PBX3: variants seen among roughly 807,000 people sequenced by gnomAD.
The protein encoded by PBX3 is pre-B-cell leukemia transcription factor 3.
Under a neutral mutation model 48.5 loss-of-function variants are expected in PBX3, and 14 were observed. The ratio of observed to expected loss-of-function variants is 0.29; its 90% CI spans 0.19 to 0.45. The LOEUF is 0.45. Ranked by LOEUF, PBX3 falls within the 20% of genes least tolerant of loss-of-function variation. PBX3 has a pLI of 1.00. For synonymous variants in PBX3, 210 were observed against 200.3 expected (o/e 1.05, Z -0.41); for missense variants, 386 against 546.7 (o/e 0.71, Z 2.93).
chr9:125,782,388 A>G (rs1030162627), intron 2 of PBX3, among the ~76,000 whole-genome samples: 1 of 152,180 alleles, frequency 6.6e-6, no homozygotes, highest in African/African-American at 2.4e-5. Flanking sequence ...AGATTTGGGT[A>G]GGGACACAGC....
chr9:125,908,672 C>A (rs1841132829), intron 2 of PBX3, among the ~76,000 whole-genome samples: 1 of 151,948 alleles, frequency 6.6e-6, no homozygotes, highest in African/African-American at 2.4e-5. Context: ...TCACAAAGAC[C>A]CATAGGGATT....
In PBX3 at chr9:125,912,225, A is replaced by G. The variant is rs565074626; in HGVS notation, c.275-3461A>G. ...TCAAAAGCTTGCCTATATATTAATG[A>G]ACCCTTAATGAGCTGTTGAAAATGC... On this transcript the variant is annotated intron_variant, in intron 2 of 8. Coordinates refer to ENST00000373489, the MANE Select transcript of PBX3 (RefSeq NM_006195.6). Among the ~76,000 whole-genome samples the G allele has an allele frequency of 4.9e-4, 75 of 152,298 alleles. 2 individuals carry two copies. In the South Asian group the frequency reaches 0.016, roughly 32 times the overall value.
intron 2 of PBX3, among the ~76,000 whole-genome samples, chr9:125,833,775 T>G (rs1487719065): frequency 6.6e-6 from 1 of 152,206 alleles, no homozygotes; most frequent in Non-Finnish European, 1.5e-5. Flanking sequence ...GTCTAAAACT[T>G]TTGGCTATTT....
At chr9:125,813,274 A>T (rs1043439331) in intron 2 of PBX3, among the ~76,000 whole-genome samples, 1 of 150,660 alleles carries the variant, frequency 6.6e-6, no homozygotes, top group African/African-American at 2.4e-5. Flanking sequence ...TTACTTTTTA[A>T]TTTTTTTTTG....
Position 125,759,924 on chromosome 9 carries a change from G to A in PBX3, c.274+11301G>A, listed in dbSNP as rs1412673596. Among the ~76,000 whole-genome samples the A allele has an allele frequency of 6.6e-6, 1 of 152,234 alleles. No homozygotes were observed. The highest frequency in any genetic ancestry group is 1.5e-5 in the Non-Finnish European group (1 of 68,030). On this transcript the variant is annotated intron_variant, in intron 2 of 8. Transcript: ENST00000373489. This position sits in a 1 kb window ranked among gnomAD's most constrained non-coding sequence, Gnocchi z 4.2. The stretch of plus-strand genomic sequence containing the variant: ...GCTTGAAATGCAAAGAGCAACGATT[G>A]ATTGGATTTGAGGGTTACAATTGTG...
chr9:125,913,945 A>T (rs1419279457), intron 2 of PBX3, among the ~76,000 whole-genome samples: 1 of 152,248 alleles, frequency 6.6e-6, no homozygotes, highest in East Asian at 1.9e-4. Flanking sequence ...CTCTCATTGC[A>T]TGCCAAATGC....
At position 125,856,328 on chromosome 9, in the gene PBX3, C is replaced by T. The variant is rs562435850; in HGVS notation, c.275-59358C>T. Among the ~76,000 whole-genome samples, 351 of 152,198 alleles carry T rather than the reference C, an allele frequency of 2.3e-3. 2 individuals are homozygous for T. The highest frequency in any genetic ancestry group is 7.9e-3 in the African/African-American group (327 of 41,530). On this transcript the variant is annotated intron_variant, in intron 2 of 8. Transcript: ENST00000373489. The stretch of plus-strand genomic sequence containing the variant: ...AGTATGAGAAAAATGTTGCTTTCTG[C>T]GCTGCTTTATTTCTGTCACAGGTCA...
intron 2 of PBX3, among the ~76,000 whole-genome samples, chr9:125,781,565 C>T (rs372460120): frequency 1.2e-4 from 13 of 106,970 alleles, no homozygotes; most frequent in Non-Finnish European, 2.1e-4. Flanking sequence ...AGGGGAGAGG[C>T]GAGAGGGGAG....
chr9:125,904,282 A>G (rs1287336771), intron 2 of PBX3, among the ~76,000 whole-genome samples: 1 of 151,756 alleles, frequency 6.6e-6, no homozygotes, highest in Non-Finnish European at 1.5e-5. Flanking sequence ...AGATTTTTCC[A>G]TTCGTCTAAC....
chr9:125,949,207 T>A (rs1440154247), intron 5 of PBX3, among the ~76,000 whole-genome samples: 1 of 152,246 alleles, frequency 6.6e-6, no homozygotes, highest in Non-Finnish European at 1.5e-5. Flanking sequence ...AATTATTTAA[T>A]GAGTCCATTT....
intron 2 of PBX3, among the ~76,000 whole-genome samples, chr9:125,821,091 G>A (rs576653845): frequency 1.6e-4 from 25 of 152,246 alleles, no homozygotes; most frequent in African/African-American, 5.5e-4. Context: ...CTCTCAAGCT[G>A]CGTTTGCCTT....
chr9:125,912,724 AC>A (rs1031232862), intron 2 of PBX3, among the ~76,000 whole-genome samples: 3 of 152,198 alleles, frequency 2.0e-5, no homozygotes, highest in Admixed American at 2.0e-4. Context: ...CATTATACAT[AC>A]ATTTTGGATT....
chr9:125,830,702 T>C (rs1452786526), intron 2 of PBX3, among the ~76,000 whole-genome samples: 1 of 152,158 alleles, frequency 6.6e-6, no homozygotes, highest in Non-Finnish European at 1.5e-5. Context: ...TATTATCTCA[T>C]TCAAACTTAA....
At chr9:125,839,829 C>T (rs893607670) in intron 2 of PBX3, among the ~76,000 whole-genome samples, 1 of 152,152 alleles carries the variant, frequency 6.6e-6, no homozygotes, top group Non-Finnish European at 1.5e-5. Flanking sequence ...TTTTCAGTGA[C>T]CTCCCTGTTT....
chr9:125,915,178 G>A (rs775214613), intron 2 of PBX3, among the ~76,000 whole-genome samples: 5 of 152,050 alleles, frequency 3.3e-5, no homozygotes, highest in African/African-American at 7.2e-5. Context: ...CTCATCTAAT[G>A]TTGTTTATTT....
At chr9:125,949,430 C>CA in intron 5 of PBX3, 1 of 1,550,696 alleles carries the variant, frequency 6.4e-7, no homozygotes, top group Non-Finnish European at 8.7e-7. Flanking sequence ...GACATCCAGC[C>CA]AACTAGCGTG....
chr9:125,874,920 A>G (rs1047962164), intron 2 of PBX3, among the ~76,000 whole-genome samples: 2 of 152,186 alleles, frequency 1.3e-5, no homozygotes, highest in African/African-American at 4.8e-5. Flanking sequence ...ATAGCAAAAA[A>G]GGGCAAAACC....
At chr9:125,920,679 G>A (rs955631893) in intron 3 of PBX3, among the ~76,000 whole-genome samples, 3 of 152,148 alleles carry the variant, frequency 2.0e-5, no homozygotes, top group Non-Finnish European at 2.9e-5. Flanking sequence ...TTTGCTGAAG[G>A]CAAAAGTGTT....
intron 5 of PBX3, chr9:125,949,553 C>A: frequency 7.5e-7 from 1 of 1,330,938 alleles, no homozygotes; most frequent in South Asian, 2.2e-5. Flanking sequence ...GTATTCTTTA[C>A]TCCAAAAATG....
Sources: gnomAD v4.1 joint callset for allele counts (sites outside exome capture counted in the v4.1 genomes callset) on GRCh38, gnomAD v4.1.1 for gene constraint, Gnocchi (gnomAD v3.1) non-coding constraint, MANE v1.5 for transcripts, NCBI Gene and HGNC (gene_info 2026-07-23, HGNC 2026-07-21) for gene names.